The following ATXN2 variants were observed in gnomAD, a reference collection of about 807,000 sequenced individuals.
The protein encoded by ATXN2 is ataxin 2.
In ATXN2, 37 loss-of-function variants were observed where a neutral mutation model predicts 138.6. The ratio of observed to expected loss-of-function variants is 0.27; its 90% CI spans 0.21 to 0.35. ATXN2 has a LOEUF of 0.35. ATXN2 is among the 10% of genes least tolerant of loss of function. ATXN2 has a pLI of 1.00. For missense variants in ATXN2, 1,216 were observed against 1,480.3 expected, an observed-to-expected ratio of 0.82 and a Z score of 2.93; for synonymous variants, 549 against 543.7, an observed-to-expected ratio of 1.01 and a Z score of -0.13.
intron 1 of ATXN2, among the ~76,000 whole-genome samples, chr12:111,589,350 C>G (rs1199585085): frequency 6.6e-6 from 1 of 150,414 alleles, no homozygotes; most frequent in Non-Finnish European, 1.5e-5. Flanking sequence ...TTTAAAAAAC[C>G]AGCCAGGCAT....
intron 1 of ATXN2, among the ~76,000 whole-genome samples, chr12:111,594,553 G>GA (rs1391635373): frequency 6.6e-6 from 1 of 152,006 alleles, no homozygotes; most frequent in East Asian, 1.9e-4. Flanking sequence ...ATACTAAGCT[G>GA]AAAATCACTA....
In ATXN2 at chr12:111,488,606, T is replaced by C. The variant is rs1314332817; in HGVS notation, c.2110A>G (p.Ile704Val). The change falls in exon 15 of 25, where the codon ATT (isoleucine) becomes GTT (valine). Residue 704 changes from isoleucine (I) to valine (V), a missense_variant. Transcript: ENST00000673436. Reference protein sequence around the residue: ...SGSSKPNSPSISPSILSNTEH... With the variant: ...SGSSKPNSPSVSPSILSNTEH... ...GTGTTACTAAGTATTGAAGGGGAAA[T>C]GCTGGGGCTATTCGGCTTGCTGCTG... The C allele has an allele frequency of 6.2e-7, 1 of 1,614,202 alleles. No individual in the cohort carries two copies. The highest frequency in any genetic ancestry group is 8.5e-7 in the Non-Finnish European group (1 of 1,180,032).
At position 111,452,574 on chromosome 12, in the gene ATXN2, G is replaced by A. The variant is rs1874732980; in HGVS notation, c.*238C>T. The A allele has an allele frequency of 9.8e-6, 5 of 512,278 alleles. No homozygotes were observed. The highest frequency in any genetic ancestry group is 1.7e-5 in the Non-Finnish European group (5 of 289,082). 31.7% of individuals were successfully genotyped at this position (512,278 alleles called of 1,614,324 possible). ...CGGCAAGCAGAGCTGGGGTACCTGC[G>A]GGACTCTGAAACAGCATATGGAATT... On this transcript the variant is annotated 3_prime_UTR_variant, in exon 25 of 25. Coordinates refer to ENST00000673436, the MANE Select transcript of ATXN2 (RefSeq NM_001372574.1).
chr12:111,594,630 T>C (rs1884843162), intron 1 of ATXN2, among the ~76,000 whole-genome samples: 1 of 152,160 alleles, frequency 6.6e-6, no homozygotes, highest in Non-Finnish European at 1.5e-5. Flanking sequence ...ATTATTTAGG[T>C]TTAGGAATAG....
intron 18 of ATXN2, among the ~76,000 whole-genome samples, chr12:111,477,108 T>C (rs929631589): frequency 1.2e-4 from 18 of 150,084 alleles, no homozygotes; most frequent in African/African-American, 4.4e-4. Context: ...TTTGGGAGGC[T>C]GAGATGAGCA....
chr12:111,505,599 A>T (rs111285713), intron 14 of ATXN2, among the ~76,000 whole-genome samples: 4 of 152,366 alleles, frequency 2.6e-5, no homozygotes, highest in African/African-American at 7.2e-5. Context: ...GATGTTCAAC[A>T]TCATTAGCCA....
chr12:111,481,525 G>A lies in ATXN2; in HGVS notation c.2524+3740C>T, dbSNP rs1449143580. Among the ~76,000 whole-genome samples the A allele has an allele frequency of 2.0e-5, 3 of 152,182 alleles. 1 individual carries two copies. In the South Asian group the frequency reaches 6.2e-4, roughly 32 times the overall value. On this transcript the variant is annotated intron_variant, in intron 18 of 24. Transcript: ENST00000673436. Reference sequence around the variant, plus strand: ...CAAAGACATATCGGTTATTTATGAGGATGTGGAGAAACTGGAACACTTGTA... The same window carrying A: ...CAAAGACATATCGGTTATTTATGAGAATGTGGAGAAACTGGAACACTTGTA...
At chr12:111,479,997 G>GT (rs1187284708) in intron 18 of ATXN2, among the ~76,000 whole-genome samples, 2 of 107,888 alleles carry the variant, frequency 1.9e-5, no homozygotes, top group African/African-American at 7.0e-5. Context: ...ATTTTTTTAC[G>GT]TAAAAAAAGA....
chr12:111,508,288 CAG>C (rs1284607229), intron 14 of ATXN2, among the ~76,000 whole-genome samples: 1,930 of 151,490 alleles, frequency 0.013, 37 homozygotes, highest in African/African-American at 0.043. Context: ...TGGAAGGAAA[CAG>C]GGGGAAGCAG....
At chr12:111,541,321 C>A (rs1305542919) in intron 5 of ATXN2, among the ~76,000 whole-genome samples, 1 of 145,656 alleles carries the variant, frequency 6.9e-6, no homozygotes, top group Admixed American at 6.9e-5. Flanking sequence ...ATGCTCCATA[C>A]GTAGCCACTG....
At chr12:111,580,849 G>A (rs577551568) in intron 1 of ATXN2, among the ~76,000 whole-genome samples, 3 of 151,916 alleles carry the variant, frequency 2.0e-5, no homozygotes, top group South Asian at 4.2e-4. Flanking sequence ...GAAAGGAAAC[G>A]ACAAAGAAAG....
chr12:111,562,188 AATC>A (rs1882729253), intron 1 of ATXN2, among the ~76,000 whole-genome samples: 3 of 151,926 alleles, frequency 2.0e-5, no homozygotes, highest in African/African-American at 7.3e-5. Flanking sequence ...AATGCCAACT[AATC>A]CAGAGGCTGA....
intron 5 of ATXN2, among the ~76,000 whole-genome samples, chr12:111,529,218 T>C (rs948251524): frequency 6.6e-6 from 1 of 152,142 alleles, no homozygotes; most frequent in Non-Finnish European, 1.5e-5. Context: ...CTGGCTCTAA[T>C]CTACAGGCAA....
At chr12:111,595,246 GAAAT>G (rs1267668994) in intron 1 of ATXN2, among the ~76,000 whole-genome samples, 7 of 152,090 alleles carry the variant, frequency 4.6e-5, no homozygotes, top group Non-Finnish European at 8.8e-5. Context: ...TTTCTCTAAG[GAAAT>G]AATTACACTG....
At chr12:111,463,108 T>C (rs1183002930) in intron 21 of ATXN2, among the ~76,000 whole-genome samples, 1 of 152,160 alleles carries the variant, frequency 6.6e-6, no homozygotes, top group Non-Finnish European at 1.5e-5. Context: ...TGGCATTTAG[T>C]AGAGTCAGAC....
At chr12:111,490,728 A>C (rs1434158453) in intron 14 of ATXN2, among the ~76,000 whole-genome samples, 3 of 152,202 alleles carry the variant, frequency 2.0e-5, no homozygotes, top group Non-Finnish European at 4.4e-5. Flanking sequence ...TAAGGAAGAT[A>C]GTCTTGAACT....
chr12:111,563,376 G>C lies in ATXN2; in HGVS notation c.252-7457C>G, dbSNP rs552938583. 3.7e-4 allele frequency among the ~76,000 whole-genome samples: 56 copies of C among 152,114 alleles called. 1 individual carries two copies. Among genetic ancestry groups the C allele is most frequent in the Non-Finnish European group, 6.2e-4 (42 of 67,968 alleles). Reference sequence around the variant, plus strand: ...TTCTTGACCAGAAAAATGTTGATTTGTTGATTGTTTTAAAGGACATTAGAA... The same window carrying C: ...TTCTTGACCAGAAAAATGTTGATTTCTTGATTGTTTTAAAGGACATTAGAA... On this transcript the variant is annotated intron_variant, in intron 1 of 24. Coordinates refer to ENST00000673436, the MANE Select transcript of ATXN2 (RefSeq NM_001372574.1).
Position 111,556,354 on chromosome 12 carries a change from C to T in ATXN2, c.252-435G>A, listed in dbSNP as rs114149136. On this transcript the variant is annotated intron_variant, in intron 1 of 24. Transcript: ENST00000673436. Reference sequence around the variant, plus strand: ...TCATTCCACTGCAGTCTAGCCTGGGCGACAAAGCAAGACTCTGTCTCTAAA... The same window carrying T: ...TCATTCCACTGCAGTCTAGCCTGGGTGACAAAGCAAGACTCTGTCTCTAAA... Among the ~76,000 whole-genome samples the T allele has an allele frequency of 1.8e-3, 274 of 152,114 alleles. 4 individuals carry two copies. The highest frequency in any genetic ancestry group is 6.0e-3 in the African/African-American group (250 of 41,490).
chr12:111,520,443 G>A (rs1372310167), intron 7 of ATXN2, among the ~76,000 whole-genome samples: 1 of 152,136 alleles, frequency 6.6e-6, no homozygotes, highest in East Asian at 1.9e-4. Flanking sequence ...ACGAGGTGAA[G>A]AGATCGAGAC....
Sources: allele counts gnomAD v4.1 joint callset (sites outside exome capture counted in the v4.1 genomes callset), GRCh38; gene constraint gnomAD v4.1.1; transcripts MANE v1.5; gene names NCBI Gene and HGNC (gene_info 2026-07-23, HGNC 2026-07-21).